Variants in SEC14L1 observed in about 807,000 individuals in gnomAD.
SEC14L1 encodes the protein SEC14-like protein 1.
SEC14L1 carries 48 observed loss-of-function variants against 85.3 expected under a neutral mutation model. That is an observed-to-expected ratio of 0.56 (90% CI 0.45 to 0.72). The LOEUF (loss-of-function observed/expected upper bound fraction) is 0.72, where lower values mean the gene tolerates loss of function less well. SEC14L1 is among the 30% of genes least tolerant of loss of function. SEC14L1 has a pLI of 0.00. For synonymous variants in SEC14L1, 391 were observed against 355.5 expected (o/e 1.10, Z -1.12); for missense variants, 682 against 921.4 (o/e 0.74, Z 3.36).
At chr17:77,161,584 G>T (rs1187299617) in intron 3 of SEC14L1, among the ~76,000 whole-genome samples, 3 of 152,168 alleles carry the variant, frequency 2.0e-5, no homozygotes, top group South Asian at 4.1e-4. Context: ...AACATTAAAG[G>T]TTCAAGGACA....
chr17:77,179,281 G>A (rs967066930), intron 3 of SEC14L1, among the ~76,000 whole-genome samples: 1 of 152,172 alleles, frequency 6.6e-6, no homozygotes, highest in Admixed American at 6.5e-5. Context: ...CATTGAGAGA[G>A]GGGTGGTAAA....
At chr17:77,122,378 T>G (rs938671564) in intron 3 of SEC14L1, among the ~76,000 whole-genome samples, 1 of 152,022 alleles carries the variant, frequency 6.6e-6, no homozygotes, top group African/African-American at 2.4e-5. Context: ...CTTGGCTCAC[T>G]GTAGCCTCAA....
chr17:77,171,116 GT>G (rs60530098), intron 3 of SEC14L1, among the ~76,000 whole-genome samples: 1,523 of 151,684 alleles, frequency 0.01, 27 homozygotes, highest in African/African-American at 0.035. Flanking sequence ...TGATTTATTA[GT>G]TTTTTTTGCA....
rs572350196 is a variant in SEC14L1 at position 77,143,881 on chromosome 17, G to T, written c.63+222G>T. On this transcript the variant is annotated intron_variant, in intron 3 of 16. Transcript: ENST00000436233. ...TAAAAAAAATGCACCTCAGGGTAAT[G>T]TATGAATTGAAGTTAATTCTCCCTT... is the stretch of plus-strand genomic sequence containing the variant. 8.4e-4 allele frequency: 337 copies of T among 402,218 alleles called. 5 individuals carry two copies. The South Asian group carries it at 9.1e-3, about 11-fold the overall frequency. 24.9% of individuals were successfully genotyped at this position (402,218 alleles called of 1,614,324 possible).
intron 1 of SEC14L1, chr17:77,141,520 GC>G (rs1376034071): frequency 6.6e-6 from 1 of 152,192 alleles, no homozygotes; most frequent in Non-Finnish European, 1.5e-5. Flanking sequence ...CGCCCCTCGA[GC>G]CTGCTCGGGA....
At chr17:77,154,758 G>C (rs1398372239) in intron 3 of SEC14L1, among the ~76,000 whole-genome samples, 3 of 151,692 alleles carry the variant, frequency 2.0e-5, no homozygotes, top group Admixed American at 2.0e-4. Flanking sequence ...CATCTGCCCT[G>C]TTTTTCAGTG....
intron 3 of SEC14L1, among the ~76,000 whole-genome samples, chr17:77,175,557 G>A (rs981547676): frequency 3.9e-5 from 6 of 152,194 alleles, no homozygotes; most frequent in African/African-American, 2.4e-5. Flanking sequence ...TGTGGTGCCC[G>A]GGCAGCTGTA....
chr17:77,195,520 C>G (rs963942006), intron 7 of SEC14L1, among the ~76,000 whole-genome samples: 3 of 151,844 alleles, frequency 2.0e-5, no homozygotes, highest in African/African-American at 7.3e-5. Flanking sequence ...ATAAAAAAGT[C>G]TCTGTCGCCC....
At chr17:77,158,609 C>T (rs1012431785) in intron 3 of SEC14L1, among the ~76,000 whole-genome samples, 3 of 150,552 alleles carry the variant, frequency 2.0e-5, no homozygotes, top group East Asian at 2.1e-4. Flanking sequence ...TGCAGAATTC[C>T]CTTCCTCTTC....
chr17:77,193,389 A>C (rs1975638758), intron 5 of SEC14L1, 32 bp from the exon 6 acceptor site: 2 of 1,561,736 alleles, frequency 1.3e-6, no homozygotes, highest in Admixed American at 1.8e-5. Flanking sequence ...TTGTCAATTC[A>C]GTCAGTGAGA....
intron 2 of SEC14L1, among the ~76,000 whole-genome samples, chr17:77,091,488 C>A (rs1000421538): frequency 2.0e-5 from 3 of 152,218 alleles, no homozygotes; most frequent in Non-Finnish European, 4.4e-5. Context: ...GCAGCACTTT[C>A]TGCAATGATG....
intron 3 of SEC14L1, among the ~76,000 whole-genome samples, chr17:77,124,293 G>A (rs1392523093): frequency 1.3e-5 from 2 of 152,192 alleles, no homozygotes; most frequent in Admixed American, 1.3e-4. Flanking sequence ...GCGCCCAGGA[G>A]GTCGCGTCTG....
intron 3 of SEC14L1, among the ~76,000 whole-genome samples, chr17:77,118,604 G>C (rs1972230390): frequency 6.6e-6 from 1 of 152,234 alleles, no homozygotes; most frequent in South Asian, 2.1e-4. Context: ...TCCAGTTGCT[G>C]GTCTGGGAAT....
Position 77,214,565 on chromosome 17 carries a change from A to G in SEC14L1, c.*542A>G. ...AGGTCCTTATCCTCTGAGGATTCAG[A>G]GGTTGCCTGCGGAGTACCTTGTCCC... On this transcript the variant is annotated 3_prime_UTR_variant, in exon 17 of 17. Transcript: ENST00000436233. The G allele has an allele frequency of 1.0e-6, 1 of 989,644 alleles. No homozygotes were observed. Among genetic ancestry groups the G allele is most frequent in the Non-Finnish European group, 1.2e-6 (1 of 832,498 alleles). The allele number at this position is 989,644 out of a possible 1,614,324, so 61.3% of individuals were successfully genotyped here. A position where few individuals can be genotyped will look rare whatever the true frequency, so the allele number is the denominator to read the frequency against.
chr17:77,213,563 G>A lies in SEC14L1; in HGVS notation c.2042+71G>A, dbSNP rs1204213390. On this transcript the variant is annotated intron_variant, in intron 16 of 16. Transcript: ENST00000436233. This position sits in a 1 kb window ranked among gnomAD's most constrained non-coding sequence, Gnocchi z 7.1. ...GGTTGGAGGGAGCCTGCAGTCCCAC[G>A]CCGTGTGCAGGATCAGCAGTGGCGG... 2.6e-6 allele frequency: 4 copies of A among 1,552,924 alleles called. No individual in the cohort carries two copies. Among genetic ancestry groups the A allele is most frequent in the South Asian group, 2.2e-5 (2 of 89,150 alleles).
chr17:77,134,135 A>T (rs1972708410), intron 3 of SEC14L1, among the ~76,000 whole-genome samples: 1 of 151,736 alleles, frequency 6.6e-6, no homozygotes, highest in African/African-American at 2.4e-5. Context: ...TTGTTACCTG[A>T]TGTCACTTAC....
chr17:77,214,777 G>T lies in SEC14L1; in HGVS notation c.*754G>T, dbSNP rs2143249297. The T allele has an allele frequency of 1.0e-6, 1 of 985,458 alleles. No individual in the cohort carries two copies. The highest frequency in any genetic ancestry group is 1.2e-6 in the Non-Finnish European group (1 of 829,988). 61.0% of individuals were successfully genotyped at this position (985,458 alleles called of 1,614,324 possible). On this transcript the variant is annotated 3_prime_UTR_variant, in exon 17 of 17. Coordinates refer to ENST00000436233, the MANE Select transcript of SEC14L1 (RefSeq NM_001143998.2). ...TTTTTCTGTATGTGAACTTGGGTGG[G>T]GGGGTTCTTCCCGTTTCCTTCCGTG... is the stretch of plus-strand genomic sequence containing the variant.
chr17:77,203,561 C>G lies in SEC14L1; in HGVS notation c.1010-9C>G. The G allele has an allele frequency of 6.2e-7, 1 of 1,612,778 alleles. No individual in the cohort carries two copies. The highest frequency in any genetic ancestry group is 8.5e-7 in the Non-Finnish European group (1 of 1,179,120). On this transcript the variant is annotated splice_polypyrimidine_tract_variant and intron_variant, in intron 9 of 16. Transcript: ENST00000436233. ...GTGCTGACAACTCATTCCTTCCCCTCCTCTGCAGATGGGCGGCCCCTCTAC... is the reference window on the plus strand; with the variant it reads ...GTGCTGACAACTCATTCCTTCCCCTGCTCTGCAGATGGGCGGCCCCTCTAC...
chr17:77,196,461 G>A, intron 8 of SEC14L1, 150 bp downstream of exon 8: 1 of 588,286 alleles, frequency 1.7e-6, no homozygotes, highest in Non-Finnish European at 3.0e-6. Context: ...TTATGTCTCT[G>A]TGGAATCTAA....
Sources: allele counts gnomAD v4.1 joint callset (sites outside exome capture counted in the v4.1 genomes callset), GRCh38; gene constraint gnomAD v4.1.1; non-coding constraint Gnocchi (gnomAD v3.1); transcripts MANE v1.5; gene names NCBI Gene and HGNC (gene_info 2026-07-23, HGNC 2026-07-21).